CBLB: variants seen among roughly 807,000 people sequenced by gnomAD.
The protein encoded by CBLB is Cbl proto-oncogene B.
Under a neutral mutation model 104.9 loss-of-function variants are expected in CBLB, and 31 were observed. The observed-to-expected ratio is 0.30, with a 90% CI of 0.22 to 0.40. CBLB has a LOEUF of 0.40. CBLB is among the 10% of genes least tolerant of loss of function. The pLI, the probability that CBLB is intolerant of heterozygous loss-of-function variation, is 1.00. For missense variants in CBLB, 1,062 were observed against 1,214.6 expected, an observed-to-expected ratio of 0.87 and a Z score of 1.87; for synonymous variants, 440 against 422.6, an observed-to-expected ratio of 1.04 and a Z score of -0.51.
intron 3 of CBLB, among the ~76,000 whole-genome samples, chr3:105,792,566 C>T (rs912986277): frequency 1.3e-5 from 2 of 152,194 alleles, no homozygotes; most frequent in African/African-American, 4.8e-5. Context: ...CAACATCAGA[C>T]TGATAATTCC....
chr3:105,667,670 C>T (rs1282110173), intron 18 of CBLB, among the ~76,000 whole-genome samples: 1 of 152,146 alleles, frequency 6.6e-6, no homozygotes, highest in Admixed American at 6.5e-5. Context: ...TACATGCAGA[C>T]ATACTTTTTA....
intron 8 of CBLB, among the ~76,000 whole-genome samples, chr3:105,736,848 A>G (rs1466265229): frequency 1.3e-5 from 2 of 152,124 alleles, no homozygotes; most frequent in Non-Finnish European, 2.9e-5. Context: ...CTAAAATCTA[A>G]GGCATATAAT....
chr3:105,737,618 C>T lies in CBLB; in HGVS notation c.984-360G>A, dbSNP rs2075094307. On this transcript the variant is annotated intron_variant, in intron 7 of 18. Transcript: ENST00000394030. The stretch of plus-strand genomic sequence containing the variant: ...ACCTATTTGCAACTATTACATCCTT[C>T]ATCTGAGGCACAGGTAATAATGGTA... 2.0e-5 allele frequency among the ~76,000 whole-genome samples: 3 copies of T among 152,134 alleles called. No homozygotes were observed. In the South Asian group the frequency reaches 6.2e-4, roughly 32 times the overall value.
At chr3:105,686,362 G>A (rs922954266) in intron 13 of CBLB, among the ~76,000 whole-genome samples, 5 of 151,818 alleles carry the variant, frequency 3.3e-5, no homozygotes, top group African/African-American at 1.2e-4. Context: ...CAACTAGTTT[G>A]CAAGGCATTG....
At chr3:105,679,626 A>G (rs1972939) in intron 16 of CBLB, among the ~76,000 whole-genome samples, 3,395 of 152,210 alleles carry the variant, frequency 0.022, 90 homozygotes, top group East Asian at 0.12. Flanking sequence ...AATACAAAAA[A>G]TTAGCCGGGC....
intron 3 of CBLB, among the ~76,000 whole-genome samples, chr3:105,819,901 T>C (rs955496099): frequency 2.6e-5 from 4 of 152,304 alleles, no homozygotes; most frequent in African/African-American, 9.6e-5. Context: ...ACCGGTTTCA[T>C]GGAAGACAAT....
intron 13 of CBLB, among the ~76,000 whole-genome samples, chr3:105,690,568 A>T (rs1351189739): frequency 6.6e-6 from 1 of 152,226 alleles, no homozygotes; most frequent in African/African-American, 2.4e-5. Context: ...TCACGCCTGT[A>T]ATCCCAGCAC....
chr3:105,702,664 C>T (rs1481196222), intron 11 of CBLB, among the ~76,000 whole-genome samples: 1 of 151,774 alleles, frequency 6.6e-6, no homozygotes, highest in African/African-American at 2.4e-5. Context: ...CTCATAAATA[C>T]ATTTCATTAG....
At chr3:105,845,817 A>G (rs1204609938) in intron 3 of CBLB, among the ~76,000 whole-genome samples, 1 of 152,124 alleles carries the variant, frequency 6.6e-6, no homozygotes, top group Non-Finnish European at 1.5e-5. Flanking sequence ...CAAACTTTAG[A>G]AAAGTCTATT....
At chr3:105,740,763 T>C in intron 6 of CBLB, 132 bp from the exon 7 acceptor site, 1 of 771,850 alleles carries the variant, frequency 1.3e-6, no homozygotes, top group Non-Finnish European at 2.2e-6. Flanking sequence ...ATATTCTGTC[T>C]TCTAACTTAT....
chr3:105,838,076 TTTTTTTC>T (rs1577693768), intron 3 of CBLB, among the ~76,000 whole-genome samples: 1 of 79,744 alleles, frequency 1.3e-5, no homozygotes, highest in East Asian at 4.0e-4. Context: ...TTTTTTTTCC[TTTTTTTC>T]TTTTTTTTTT....
Position 105,776,618 on chromosome 3 carries a change from T to C in CBLB, c.420-76A>G, listed in dbSNP as rs146396225. The C allele has an allele frequency of 1.4e-4, 180 of 1,326,676 alleles. No homozygotes were observed. In the African/African-American group the frequency reaches 2.3e-3, roughly 17 times the overall value. The allele number at this position is 1,326,676 out of a possible 1,614,324, so 82.2% of individuals were successfully genotyped here. Reference sequence around the variant, plus strand: ...ATGCAAATTTTTATGGTAATATATATTAAGACAAACAATGTTATGTATGTA... The same window carrying C: ...ATGCAAATTTTTATGGTAATATATACTAAGACAAACAATGTTATGTATGTA... On this transcript the variant is annotated intron_variant, in intron 3 of 18. Transcript: ENST00000394030.
intron 2 of CBLB, among the ~76,000 whole-genome samples, chr3:105,863,985 G>C (rs1039196753): frequency 6.6e-6 from 1 of 152,088 alleles, no homozygotes; most frequent in Admixed American, 6.5e-5. Context: ...CCATGCTCAG[G>C]AACCTCACAT....
At chr3:105,724,130 G>A (rs1267365722) in intron 9 of CBLB, 1 of 174,848 alleles carries the variant, frequency 5.7e-6, no homozygotes, top group Non-Finnish European at 1.2e-5. Flanking sequence ...AGAATAGGTT[G>A]GATCCATACC....
At chr3:105,783,246 A>T (rs949353614) in intron 3 of CBLB, among the ~76,000 whole-genome samples, 15 of 150,670 alleles carry the variant, frequency 1.0e-4, no homozygotes, top group Non-Finnish European at 1.5e-5. Context: ...ATAAAAATAC[A>T]TAAGACATGT....
At chr3:105,769,267 G>A (rs1012447168) in intron 4 of CBLB, among the ~76,000 whole-genome samples, 2 of 151,992 alleles carry the variant, frequency 1.3e-5, no homozygotes, top group Admixed American at 6.6e-5. Context: ...GCAGTGAGCC[G>A]AGATGGCGCC....
intron 2 of CBLB, among the ~76,000 whole-genome samples, chr3:105,855,861 CT>C (rs2091537535): frequency 6.6e-6 from 1 of 152,072 alleles, no homozygotes; most frequent in African/African-American, 2.4e-5. Flanking sequence ...CTTTCGTATT[CT>C]TTATATTTAG....
At position 105,779,179 on chromosome 3, in the gene CBLB, G is replaced by A. The variant is rs576913337; in HGVS notation, c.420-2637C>T. ...TTATTTTTTTAATTTTTACTTGTTA[G>A]ATCTAAAGTCTGAAACACAACGCCA... On this transcript the variant is annotated intron_variant, in intron 3 of 18. Coordinates refer to ENST00000394030, the MANE Select transcript of CBLB (RefSeq NM_170662.5). Among the ~76,000 whole-genome samples, 10 of 152,094 alleles carry A rather than the reference G, an allele frequency of 6.6e-5. No individual in the cohort carries two copies. In the South Asian group the frequency reaches 2.1e-3, roughly 32 times the overall value.
intron 3 of CBLB, chr3:105,824,193 T>G (rs1340230835): frequency 6.6e-6 from 1 of 152,170 alleles, no homozygotes; most frequent in African/African-American, 2.4e-5. Context: ...CCACCTGAGC[T>G]CCTTCTGCAG....
Sources: gnomAD v4.1 joint callset for allele counts (sites outside exome capture counted in the v4.1 genomes callset) on GRCh38, gnomAD v4.1.1 for gene constraint, MANE v1.5 for transcripts, NCBI Gene and HGNC (gene_info 2026-07-23, HGNC 2026-07-21) for gene names.